APBB2: variants seen among roughly 807,000 people sequenced by gnomAD.
APBB2 encodes the protein amyloid beta precursor protein binding family B member 2, also known as Fe65-like 1.
Under a neutral mutation model 82.5 loss-of-function variants are expected in APBB2, and 38 were observed. The ratio of observed to expected loss-of-function variants is 0.46; its 90% CI spans 0.36 to 0.60. The LOEUF (loss-of-function observed/expected upper bound fraction) is 0.60, where lower values mean the gene tolerates loss of function less well. Among genes scored for constraint, APBB2 ranks in the 20% least tolerant of loss-of-function variants. The probability of loss-of-function intolerance (pLI) is 0.00; values close to 1 mark genes in which losing one functional copy is unlikely to be tolerated. For synonymous variants in APBB2, 341 were observed against 368.2 expected, an observed-to-expected ratio of 0.93 and a Z score of 0.85; for missense variants, 772 against 972.3, an observed-to-expected ratio of 0.79 and a Z score of 2.74.
At chr4:41,084,163 G>A (rs908484150) in intron 3 of APBB2, among the ~76,000 whole-genome samples, 6 of 152,162 alleles carry the variant, frequency 3.9e-5, no homozygotes, top group Non-Finnish European at 7.4e-5. Context: ...GGTGGCTCAC[G>A]CCTGTAATCC....
At chr4:41,049,006 C>A (rs1429351195) in intron 4 of APBB2, among the ~76,000 whole-genome samples, 1 of 152,130 alleles carries the variant, frequency 6.6e-6, no homozygotes, top group East Asian at 1.9e-4. Flanking sequence ...GTGATCTCGG[C>A]TAGCTACAAC....
intron 6 of APBB2, among the ~76,000 whole-genome samples, chr4:40,982,305 G>GAAAGAAA (rs1348332497): frequency 0.014 from 210 of 14,752 alleles, 7 homozygotes; most frequent in Middle Eastern, 0.024. Flanking sequence ...AAGGAAGGAA[G>GAAAGAAA]GAAAGAAAGA....
intron 12 of APBB2, among the ~76,000 whole-genome samples, chr4:40,883,016 T>C (rs1439831117): frequency 6.6e-6 from 1 of 152,244 alleles, no homozygotes; most frequent in African/African-American, 2.4e-5. Flanking sequence ...TCACTTGGTC[T>C]GGTGAGGCCA....
At chr4:40,960,445 GGGT>G (rs1792815753) in intron 6 of APBB2, among the ~76,000 whole-genome samples, 1 of 78,816 alleles carries the variant, frequency 1.3e-5, no homozygotes, top group South Asian at 6.1e-4. Flanking sequence ...ATTTTTTTTC[GGGT>G]TTTTTTTTTT....
intron 1 of APBB2, among the ~76,000 whole-genome samples, chr4:41,211,319 G>A (rs1375353535): frequency 6.6e-6 from 1 of 151,832 alleles, no homozygotes; most frequent in Non-Finnish European, 1.5e-5. Flanking sequence ...ACCCCATGTA[G>A]GAAAATAAGT....
At chr4:41,180,950 T>TAA (rs5857781) in intron 1 of APBB2, among the ~76,000 whole-genome samples, 157 of 151,350 alleles carry the variant, frequency 1.0e-3, no homozygotes, top group South Asian at 6.3e-3. Flanking sequence ...CCCTTTCATC[T>TAA]AAAAAAAAAT....
intron 4 of APBB2, among the ~76,000 whole-genome samples, chr4:41,041,200 C>T (rs2154447545): frequency 6.6e-6 from 1 of 152,246 alleles, no homozygotes; most frequent in East Asian, 1.9e-4. Flanking sequence ...AATTTTAACT[C>T]ACTCTGGGGG....
intron 5 of APBB2, among the ~76,000 whole-genome samples, chr4:41,024,215 C>A (rs1052218187): frequency 2.0e-5 from 3 of 152,098 alleles, no homozygotes; most frequent in African/African-American, 7.2e-5. Flanking sequence ...TGTACAACCC[C>A]AAACTATAAA....
chr4:41,187,965 T>C (rs1182070589), intron 1 of APBB2, among the ~76,000 whole-genome samples: 1 of 152,238 alleles, frequency 6.6e-6, no homozygotes, highest in East Asian at 1.9e-4. Flanking sequence ...CTCAATAGCA[T>C]GAAAAATCAT....
intron 7 of APBB2, among the ~76,000 whole-genome samples, chr4:40,939,734 A>G (rs1277803946): frequency 6.6e-6 from 1 of 152,190 alleles, no homozygotes; most frequent in Non-Finnish European, 1.5e-5. Flanking sequence ...TGCTGGGACT[A>G]CAGGGCATGC....
intron 3 of APBB2, among the ~76,000 whole-genome samples, chr4:41,072,074 A>AC (rs1451475314): frequency 6.6e-6 from 1 of 152,202 alleles, no homozygotes; most frequent in Non-Finnish European, 1.5e-5. Context: ...TGAAGTTCTC[A>AC]CAACAAGGAA....
chr4:41,198,142 C>T, intron 1 of APBB2, among the ~76,000 whole-genome samples: 1 of 152,186 alleles, frequency 6.6e-6, no homozygotes. Flanking sequence ...TAAACCCAAG[C>T]AGTCTGGCTC....
chr4:41,170,688 G>A (rs1055340187), intron 1 of APBB2, among the ~76,000 whole-genome samples: 3 of 151,966 alleles, frequency 2.0e-5, no homozygotes, highest in African/African-American at 7.2e-5. Flanking sequence ...GAACTTTAAT[G>A]GGACCTTAAC....
At chr4:40,860,108 A>G (rs754595217) in intron 12 of APBB2, among the ~76,000 whole-genome samples, 52 of 152,320 alleles carry the variant, frequency 3.4e-4, no homozygotes, top group Admixed American at 9.8e-4. Context: ...ATAAACTTAC[A>G]GAGTCTGGTT....
intron 4 of APBB2, among the ~76,000 whole-genome samples, chr4:41,057,242 G>C (rs1250612126): frequency 6.6e-6 from 1 of 152,182 alleles, no homozygotes; most frequent in East Asian, 1.9e-4. Flanking sequence ...CCTCAGGTCA[G>C]GAGTTCAAGA....
intron 5 of APBB2, among the ~76,000 whole-genome samples, chr4:41,031,986 T>C (rs1717009826): frequency 6.6e-6 from 1 of 152,206 alleles, no homozygotes; most frequent in Non-Finnish European, 1.5e-5. Context: ...GACACTGATA[T>C]TCCTGTGTAA....
Position 40,943,134 on chromosome 4 carries a change from T to C in APBB2, c.1044+1731A>G, listed in dbSNP as rs148113739. ...AAATCTCAAAGCCAGGGGAGCTAAG[T>C]GAGAAGACCTCTGACCTAGGATCTG... is the stretch of plus-strand genomic sequence containing the variant. On this transcript the variant is annotated intron_variant, in intron 7 of 17. Coordinates refer to ENST00000508593, the MANE Select transcript of APBB2 (RefSeq NM_004307.2). 6.1e-3 allele frequency among the ~76,000 whole-genome samples: 932 copies of C among 152,204 alleles called. 13 individuals are homozygous for C. The highest frequency in any genetic ancestry group is 0.033 in the East Asian group (170 of 5,156).
At chr4:41,181,895 G>A (rs1483386694) in intron 1 of APBB2, among the ~76,000 whole-genome samples, 9 of 142,604 alleles carry the variant, frequency 6.3e-5, no homozygotes, top group African/African-American at 1.3e-4. Context: ...GCGGTGAGTC[G>A]AGATCACGCC....
At position 40,861,924 on chromosome 4, in the gene APBB2, G is replaced by T. The variant is rs1578046199; in HGVS notation, c.1529+28440C>A. On this transcript the variant is annotated intron_variant, in intron 12 of 17. Coordinates refer to ENST00000508593, the MANE Select transcript of APBB2 (RefSeq NM_004307.2). ...AAACTGATCACCCAACTTTTAAAAG[G>T]CATCTGACTTCCTAATTAGAATGAA... 2.0e-5 allele frequency among the ~76,000 whole-genome samples: 3 copies of T among 152,140 alleles called. No homozygotes were observed. In the South Asian group the frequency reaches 6.2e-4, roughly 32 times the overall value.
Sources: allele counts gnomAD v4.1 joint callset (sites outside exome capture counted in the v4.1 genomes callset), GRCh38; gene constraint gnomAD v4.1.1; transcripts MANE v1.5; gene names NCBI Gene and HGNC (gene_info 2026-07-23, HGNC 2026-07-21).